Variants in SRRM1 observed in about 807,000 individuals in gnomAD.
SRRM1 encodes the protein serine and arginine repetitive matrix 1, also known as serine/arginine repetitive matrix protein 1.
A neutral mutation model predicts 110.2 loss-of-function variants in SRRM1; 19 were observed. That is an observed-to-expected ratio of 0.17 (90% confidence interval 0.12 to 0.25). The LOEUF (loss-of-function observed/expected upper bound fraction) is 0.25, where lower values mean the gene tolerates loss of function less well. SRRM1 is among the 10% of genes least tolerant of loss of function. SRRM1 has a pLI of 1.00. For missense variants in SRRM1, 918 were observed against 1,145.8 expected, an observed-to-expected ratio of 0.80 and a Z score of 2.87; for synonymous variants, 443 against 414.9, an observed-to-expected ratio of 1.07 and a Z score of -0.82.
rs1658993464 is a variant in SRRM1 at position 24,648,973 on chromosome 1, G to A, written c.349G>A (p.Ala117Thr). Residue 117 changes from alanine to threonine, a missense_variant, in exon 4 of 17, where the codon GCG becomes ACG. Transcript: ENST00000323848. ...PLLLSAQENIAGIPSAFLELK... is the reference protein window; with the variant it reads ...PLLLSAQENITGIPSAFLELK... ...GCTGCTAAGTGCACAAGAAAACATC[G>A]CGGGAATCCCTTCTGCTTTCCTAGA... The A allele has an allele frequency of 1.9e-6, 3 of 1,613,924 alleles. No homozygotes were observed. The highest frequency in any genetic ancestry group is 2.5e-6 in the Non-Finnish European group (3 of 1,179,942).
At chr1:24,653,153 G>T (rs1464482983) in intron 8 of SRRM1, 121 bp downstream of exon 8, 1 of 922,088 alleles carries the variant, frequency 1.1e-6, no homozygotes, top group Non-Finnish European at 1.6e-6. Flanking sequence ...ATTAGACAAT[G>T]TCTTCTAAAG....
chr1:24,650,896 A>G (rs1048481120), intron 5 of SRRM1, among the ~76,000 whole-genome samples: 4 of 152,212 alleles, frequency 2.6e-5, no homozygotes, highest in Non-Finnish European at 2.9e-5. Flanking sequence ...ACTGTTAAGA[A>G]AGAGGGCTTC....
chr1:24,662,379 T>TG (rs2148607813), intron 11 of SRRM1, among the ~76,000 whole-genome samples: 1 of 152,324 alleles, frequency 6.6e-6, no homozygotes, highest in South Asian at 2.1e-4. Context: ...GCCTCCCAAA[T>TG]GCTGGGGTTA....
intron 13 of SRRM1, among the ~76,000 whole-genome samples, chr1:24,668,258 C>T (rs1389169077): frequency 6.6e-6 from 1 of 152,086 alleles, no homozygotes; most frequent in Non-Finnish European, 1.5e-5. Context: ...GTGACCCACT[C>T]TGCCCAGCCT....
intron 3 of SRRM1, 21 bp downstream of exon 3, chr1:24,646,810 CTT>C: frequency 1.9e-6 from 3 of 1,549,882 alleles, no homozygotes; most frequent in Non-Finnish European, 2.6e-6. Flanking sequence ...ACAAATGGCT[CTT>C]GTTTCTGAAT....
In SRRM1 at chr1:24,664,692, CTG is replaced by C. The variant is rs1669004118; in HGVS notation, c.1628+1891_1628+1892del. 2.6e-5 allele frequency among the ~76,000 whole-genome samples: 4 copies of C among 152,262 alleles called. No individual in the cohort carries two copies. The South Asian group carries it at 8.3e-4, about 32-fold the overall frequency. ...TGGAGCAAAGCACGGGGTATTTACA[CTG>C]TGGAGGAAACTGCTCCATGATAATA... is the stretch of plus-strand genomic sequence containing the variant. On this transcript the variant is annotated intron_variant, in intron 12 of 16. Transcript: ENST00000323848.
At chr1:24,659,629 C>T (rs574185645) in intron 9 of SRRM1, among the ~76,000 whole-genome samples, 1 of 152,302 alleles carries the variant, frequency 6.6e-6, no homozygotes, top group Admixed American at 6.5e-5. Context: ...AAAATAGATT[C>T]TTGGATTCAC....
intron 9 of SRRM1, among the ~76,000 whole-genome samples, chr1:24,657,288 A>G (rs1664668071): frequency 6.6e-6 from 1 of 152,236 alleles, no homozygotes; most frequent in African/African-American, 2.4e-5. Flanking sequence ...GTTGTCATCA[A>G]GAAACAGATT....
chr1:24,671,287 A>T, intron 15 of SRRM1, 99 bp from the exon 16 acceptor site: 1 of 1,258,826 alleles, frequency 7.9e-7, no homozygotes, highest in Non-Finnish European at 1.1e-6. Flanking sequence ...AAATCTTGAG[A>T]TTTGTCCATT....
Position 24,670,165 on chromosome 1 carries a change from C to T in SRRM1, c.2250C>T (p.Ser750=). 1.2e-6 allele frequency: 2 copies of T among 1,613,184 alleles called. No individual in the cohort carries two copies. The highest frequency in any genetic ancestry group is 1.7e-6 in the Non-Finnish European group (2 of 1,179,676). ...AGTCTGTAAGAAGGGTCTCATCCTC[C>T]CGATCTGTCTCCGGGTCTCCTGAGC... The part of the protein sequence containing the change: ...SPQSVRRVSS[S]RSVSGSPEPA... Residue 750 remains serine (S), a synonymous_variant, in exon 15 of 17, where the codon TCC becomes TCT. Transcript: ENST00000323848.
chr1:24,643,466 C>A, intron 1 of SRRM1, 119 bp downstream of exon 1: 1 of 837,146 alleles, frequency 1.2e-6, no homozygotes, highest in Non-Finnish European at 1.7e-6. Context: ...TTAAGGATTC[C>A]TCCTAGAGCC....
intron 9 of SRRM1, among the ~76,000 whole-genome samples, chr1:24,660,032 G>T (rs921558615): frequency 1.2e-4 from 19 of 152,046 alleles, no homozygotes; most frequent in African/African-American, 4.6e-4. Flanking sequence ...TAACCTGTTG[G>T]GCAGTCATTC....
At chr1:24,657,423 G>C (rs1472965472) in intron 9 of SRRM1, among the ~76,000 whole-genome samples, 1 of 152,184 alleles carries the variant, frequency 6.6e-6, no homozygotes, top group Non-Finnish European at 1.5e-5. Flanking sequence ...ATTGCTAAAG[G>C]TGAGAAATGG....
intron 9 of SRRM1, among the ~76,000 whole-genome samples, chr1:24,660,260 G>C (rs143362714): frequency 6.6e-6 from 1 of 152,284 alleles, no homozygotes; most frequent in Non-Finnish European, 1.5e-5. Context: ...TTACTTTACT[G>C]AGCTTGTTCT....
intron 11 of SRRM1, among the ~76,000 whole-genome samples, chr1:24,661,733 G>C (rs1162963550): frequency 6.6e-6 from 1 of 152,140 alleles, no homozygotes; most frequent in African/African-American, 2.4e-5. Context: ...CCCCACAGAA[G>C]CTCAACTGTA....
chr1:24,663,371 A>ATT, intron 12 of SRRM1: 1 of 512,418 alleles, frequency 2.0e-6, no homozygotes, highest in Admixed American at 3.7e-5. Context: ...TGGTTTGAGT[A>ATT]TTTTTTTTAA....
chr1:24,644,694 T>A (rs1307817497), intron 1 of SRRM1, among the ~76,000 whole-genome samples: 1 of 152,230 alleles, frequency 6.6e-6, no homozygotes, highest in Non-Finnish European at 1.5e-5. Flanking sequence ...CGTATCGAAT[T>A]TGCAAACTGC....
At chr1:24,665,482 G>A (rs111474649) in intron 12 of SRRM1, among the ~76,000 whole-genome samples, 2,433 of 151,966 alleles carry the variant, frequency 0.016, 58 homozygotes, top group African/African-American at 0.056. Flanking sequence ...GGGAGGCCGA[G>A]GCGGGTGGTT....
intron 6 of SRRM1, among the ~76,000 whole-genome samples, chr1:24,652,224 A>C (rs1022397229): frequency 8.0e-5 from 12 of 150,712 alleles, no homozygotes; most frequent in Admixed American, 2.6e-4. Context: ...CTGTCTCAGA[A>C]GAAGAAAAGA....
Sources: gnomAD v4.1 joint callset for allele counts (sites outside exome capture counted in the v4.1 genomes callset) on GRCh38, gnomAD v4.1.1 for gene constraint, MANE v1.5 for transcripts, NCBI Gene and HGNC (gene_info 2026-07-23, HGNC 2026-07-21) for gene names.